Variants in KCNQ3 observed in about 807,000 individuals in gnomAD.
KCNQ3 encodes potassium voltage-gated channel subfamily Q member 3.
In KCNQ3, 30 loss-of-function variants were observed where a neutral mutation model predicts 92.5. The ratio of observed to expected loss-of-function variants is 0.32; its 90% CI spans 0.24 to 0.44. The LOEUF is 0.44. Ranked by LOEUF, KCNQ3 falls within the 20% of genes least tolerant of loss-of-function variation. KCNQ3 has a pLI of 1.00. For missense variants in KCNQ3, 913 were observed against 1,140.3 expected, an observed-to-expected ratio of 0.80 and a Z score of 2.87; for synonymous variants, 450 against 468.8, an observed-to-expected ratio of 0.96 and a Z score of 0.52.
At chr8:132,189,053 CTCCTCACAGCCTTGTCA>C (rs1265691872) in intron 1 of KCNQ3, among the ~76,000 whole-genome samples, 1 of 152,142 alleles carries the variant, frequency 6.6e-6, no homozygotes, top group Non-Finnish European at 1.5e-5. Context: ...TAGCCTTGCC[CTCCTCACAGCCTTGTCA>C]TCTCCCGCTG....
chr8:132,171,011 C>A (rs916463148), intron 7 of KCNQ3, among the ~76,000 whole-genome samples: 2 of 151,950 alleles, frequency 1.3e-5, no homozygotes, highest in Non-Finnish European at 2.9e-5. Context: ...GAGTAAAAGA[C>A]CCTGTCTCAA....
intron 1 of KCNQ3, among the ~76,000 whole-genome samples, chr8:132,460,101 T>C (rs1026874169): frequency 2.0e-5 from 3 of 152,150 alleles, no homozygotes; most frequent in Non-Finnish European, 4.4e-5. Context: ...TAAGATGCCC[T>C]TGGCTCACCT....
chr8:132,182,054 A>AG (rs1826799035), intron 3 of KCNQ3, among the ~76,000 whole-genome samples: 5 of 148,494 alleles, frequency 3.4e-5, no homozygotes, highest in African/African-American at 1.3e-4. Flanking sequence ...TCAAAAAAAA[A>AG]AAAACCATAA....
At chr8:132,342,014 C>G (rs1324580676) in intron 1 of KCNQ3, among the ~76,000 whole-genome samples, 1 of 152,188 alleles carries the variant, frequency 6.6e-6, no homozygotes, top group East Asian at 1.9e-4. Flanking sequence ...AAAACTCTCT[C>G]CATGTGTCCT....
intron 1 of KCNQ3, among the ~76,000 whole-genome samples, chr8:132,228,875 C>T (rs1286410582): frequency 6.6e-6 from 1 of 152,030 alleles, no homozygotes. Flanking sequence ...GTGAGTTGAG[C>T]ATTTATCTTG....
At chr8:132,406,714 T>C (rs1221915078) in intron 1 of KCNQ3, among the ~76,000 whole-genome samples, 1 of 152,216 alleles carries the variant, frequency 6.6e-6, no homozygotes, top group African/African-American at 2.4e-5. Flanking sequence ...ACACCATCAG[T>C]TTAATAATAA....
At chr8:132,303,876 A>G (rs1817335549) in intron 1 of KCNQ3, among the ~76,000 whole-genome samples, 1 of 151,264 alleles carries the variant, frequency 6.6e-6, no homozygotes, top group Non-Finnish European at 1.5e-5. Flanking sequence ...ACATATATAT[A>G]CACATATAAT....
At chr8:132,140,845 C>T (rs1825270438) in intron 10 of KCNQ3, 1 of 471,442 alleles carries the variant, frequency 2.1e-6, no homozygotes, top group Non-Finnish European at 3.9e-6. Flanking sequence ...ACAATCCAAT[C>T]ATGGGGCGGG....
chr8:132,356,480 G>C (rs1819020597), intron 1 of KCNQ3, among the ~76,000 whole-genome samples: 1 of 152,148 alleles, frequency 6.6e-6, no homozygotes, highest in Non-Finnish European at 1.5e-5. Flanking sequence ...TAGACCTCAA[G>C]CCTCCACAGA....
At chr8:132,229,178 C>T (rs574924585) in intron 1 of KCNQ3, among the ~76,000 whole-genome samples, 13 of 151,276 alleles carry the variant, frequency 8.6e-5, no homozygotes, top group Admixed American at 2.6e-4. Context: ...CACTTGAACC[C>T]GGGAGGAAGA....
chr8:132,391,626 G>A (rs1039934177), intron 1 of KCNQ3, among the ~76,000 whole-genome samples: 2 of 152,202 alleles, frequency 1.3e-5, no homozygotes, highest in Non-Finnish European at 2.9e-5. Flanking sequence ...TGAGGGAAAA[G>A]AGAGTAGGAA....
chr8:132,409,822 C>T (rs1236829195), intron 1 of KCNQ3, among the ~76,000 whole-genome samples: 2 of 152,234 alleles, frequency 1.3e-5, no homozygotes, highest in Non-Finnish European at 2.9e-5. Context: ...CATTCTAAGA[C>T]TGGCCTTGCC....
At chr8:132,475,095 C>T (rs375452444) in intron 1 of KCNQ3, among the ~76,000 whole-genome samples, 42 of 152,310 alleles carry the variant, frequency 2.8e-4, no homozygotes, top group African/African-American at 5.1e-4. Flanking sequence ...GACATTCCTG[C>T]TTCCCCTTCT....
intron 1 of KCNQ3, among the ~76,000 whole-genome samples, chr8:132,293,610 A>G (rs1816921507): frequency 6.6e-6 from 1 of 152,222 alleles, no homozygotes; most frequent in Non-Finnish European, 1.5e-5. Context: ...ATGAGTCATC[A>G]GTCCCTGCAT....
intron 1 of KCNQ3, among the ~76,000 whole-genome samples, chr8:132,362,814 T>C (rs577850983): frequency 2.0e-4 from 31 of 152,184 alleles, no homozygotes; most frequent in Non-Finnish European, 4.1e-4. Flanking sequence ...GGAAAGCAGA[T>C]GTATTGAGCT....
intron 1 of KCNQ3, among the ~76,000 whole-genome samples, chr8:132,258,878 GTATGT>G (rs1815682028): frequency 6.6e-6 from 1 of 152,024 alleles, no homozygotes; most frequent in Non-Finnish European, 1.5e-5. Flanking sequence ...ATGAATAATT[GTATGT>G]CAAAAAATTA....
At chr8:132,310,863 G>C (rs981595995) in intron 1 of KCNQ3, among the ~76,000 whole-genome samples, 1 of 152,002 alleles carries the variant, frequency 6.6e-6, no homozygotes, top group Non-Finnish European at 1.5e-5. Context: ...ATGGGTTTGA[G>C]GAAAAATACT....
chr8:132,125,967 G>A lies in KCNQ3; in HGVS notation c.*3295C>T, dbSNP rs532411505. 6.6e-6 allele frequency: 1 copy of A among 152,252 alleles called. No individual in the cohort carries two copies. Among genetic ancestry groups the A allele is most frequent in the East Asian group, 1.9e-4 (1 of 5,192 alleles). 9.4% of individuals were successfully genotyped at this position (152,252 alleles called of 1,614,324 possible). On this transcript the variant is annotated 3_prime_UTR_variant, in exon 15 of 15. Coordinates refer to ENST00000388996, the MANE Select transcript of KCNQ3 (RefSeq NM_004519.4). ...ATAGTCAAAACTCAAACGATCTCAA[G>A]TACTTCTTTCTCAGCTCAATAGGAT...
At chr8:132,247,775 G>A (rs1238742648) in intron 1 of KCNQ3, among the ~76,000 whole-genome samples, 1 of 150,968 alleles carries the variant, frequency 6.6e-6, no homozygotes, top group African/African-American at 2.4e-5. Flanking sequence ...TCCAGCCTGG[G>A]CAACAAGAAC....
Sources: gnomAD v4.1 joint callset for allele counts (sites outside exome capture counted in the v4.1 genomes callset) on GRCh38, gnomAD v4.1.1 for gene constraint, MANE v1.5 for transcripts, NCBI Gene and HGNC (gene_info 2026-07-23, HGNC 2026-07-21) for gene names.